Variants in ADAMTS18 observed in about 807,000 individuals in gnomAD.
The protein encoded by ADAMTS18 is ADAM metallopeptidase with thrombospondin type 1 motif 18.
Under a neutral mutation model 165.9 loss-of-function variants are expected in ADAMTS18, and 157 were observed. That is an observed-to-expected ratio of 0.95 (90% CI 0.83 to 1.08). The LOEUF (loss-of-function observed/expected upper bound fraction) is 1.08. Among genes scored for constraint, ADAMTS18 ranks in the 50% least tolerant of loss-of-function variants. The pLI, the probability that ADAMTS18 is intolerant of heterozygous loss-of-function variation, is 0.00. For synonymous variants in ADAMTS18, 782 were observed against 578.2 expected (o/e 1.35, Z -5.06); for missense variants, 2,040 against 1,534.0 (o/e 1.33, Z -5.51).
intron 3 of ADAMTS18, among the ~76,000 whole-genome samples, chr16:77,415,018 A>C (rs1319322644): frequency 6.6e-6 from 1 of 152,228 alleles, no homozygotes; most frequent in Non-Finnish European, 1.5e-5. Flanking sequence ...GTGAGTAATA[A>C]CAAGACAACT....
At chr16:77,413,233 T>C (rs2057487988) in intron 3 of ADAMTS18, among the ~76,000 whole-genome samples, 1 of 152,072 alleles carries the variant, frequency 6.6e-6, no homozygotes, top group African/African-American at 2.4e-5. Context: ...TTTCAAGTAT[T>C]CCTGAGAAAA....
chr16:77,430,921 C>T (rs1228921268), intron 3 of ADAMTS18, among the ~76,000 whole-genome samples: 2 of 152,138 alleles, frequency 1.3e-5, no homozygotes, highest in African/African-American at 4.8e-5. Context: ...CATTGAAATA[C>T]AGTTTTCCCA....
chr16:77,375,371 G>C (rs1213901468), intron 3 of ADAMTS18, among the ~76,000 whole-genome samples: 1 of 152,044 alleles, frequency 6.6e-6, no homozygotes, highest in African/African-American at 2.4e-5. Context: ...GAAAGAGAGA[G>C]AGTCCATCTC....
At chr16:77,411,190 T>C (rs1223453309) in intron 3 of ADAMTS18, among the ~76,000 whole-genome samples, 4 of 152,318 alleles carry the variant, frequency 2.6e-5, no homozygotes, top group Middle Eastern at 6.8e-3. Context: ...AGGGCATTCA[T>C]ACTCGCTGCC....
At chr16:77,423,149 C>T (rs1038079318) in intron 3 of ADAMTS18, among the ~76,000 whole-genome samples, 2 of 152,194 alleles carry the variant, frequency 1.3e-5, no homozygotes, top group Admixed American at 6.5e-5. Flanking sequence ...TATCCTACAC[C>T]TCAGACGTTA....
chr16:77,424,220 G>C (rs549117347), intron 3 of ADAMTS18, among the ~76,000 whole-genome samples: 2 of 152,304 alleles, frequency 1.3e-5, no homozygotes, highest in East Asian at 1.9e-4. Context: ...TGTAATCCCA[G>C]CACTTTGGGA....
intron 3 of ADAMTS18, among the ~76,000 whole-genome samples, chr16:77,384,834 A>T (rs908068272): frequency 1.5e-4 from 5 of 32,862 alleles, no homozygotes; most frequent in Admixed American, 4.9e-4. Context: ...GATTTTTTTA[A>T]AAAATCTCAA....
At chr16:77,334,722 CTACTA>C (rs2056266555) in intron 12 of ADAMTS18, among the ~76,000 whole-genome samples, 2 of 43,302 alleles carry the variant, frequency 4.6e-5, no homozygotes, top group East Asian at 7.7e-4. Flanking sequence ...CTATAGTATA[CTACTA>C]TATACTATAG....
chr16:77,395,226 T>C (rs1031791730), intron 3 of ADAMTS18, among the ~76,000 whole-genome samples: 2 of 152,138 alleles, frequency 1.3e-5, no homozygotes, highest in Non-Finnish European at 2.9e-5. Context: ...TGACCTGAGA[T>C]GGGGTTGGAA....
In ADAMTS18 at chr16:77,434,707, G is replaced by A. The variant is rs756604861; in HGVS notation, c.-12C>T. 1.4e-6 allele frequency: 2 copies of A among 1,438,458 alleles called. No individual in the cohort carries two copies. Among genetic ancestry groups the A allele is most frequent in the African/African-American group, 3.0e-5 (2 of 67,534 alleles). The allele number at this position is 1,438,458 out of a possible 1,614,324, so 89.1% of individuals were successfully genotyped here. ...AGGGCGCACTCCATGGTCAGGTGCG[G>A]ACGCGGCGGCTGCGGGTGGCCAGAC... On this transcript the variant is annotated 5_prime_UTR_variant, in exon 1 of 23. Coordinates refer to ENST00000282849, the MANE Select transcript of ADAMTS18 (RefSeq NM_199355.4).
chr16:77,297,998 C>A (rs2055507820), intron 17 of ADAMTS18, among the ~76,000 whole-genome samples: 1 of 131,852 alleles, frequency 7.6e-6, no homozygotes, highest in Non-Finnish European at 1.5e-5. Flanking sequence ...GATCTTGGCT[C>A]ACTGCAACCT....
intron 3 of ADAMTS18, among the ~76,000 whole-genome samples, chr16:77,429,897 G>C (rs941773310): frequency 6.6e-6 from 1 of 152,126 alleles, no homozygotes; most frequent in Non-Finnish European, 1.5e-5. Context: ...TCCCATCTTA[G>C]AAATAAAGAA....
intron 3 of ADAMTS18, among the ~76,000 whole-genome samples, chr16:77,385,188 A>C (rs192376246): frequency 6.6e-6 from 1 of 152,208 alleles, no homozygotes; most frequent in East Asian, 1.9e-4. Flanking sequence ...GGATTACAGG[A>C]GTGAGCCACC....
chr16:77,319,237 T>C (rs529815141), intron 16 of ADAMTS18, among the ~76,000 whole-genome samples: 29 of 152,126 alleles, frequency 1.9e-4, no homozygotes, highest in Admixed American at 4.6e-4. Context: ...ATGGCAGACA[T>C]AGACAAACCA....
chr16:77,424,065 C>T (rs2057639545), intron 3 of ADAMTS18, among the ~76,000 whole-genome samples: 1 of 152,208 alleles, frequency 6.6e-6, no homozygotes. Context: ...AAAAGAGGTA[C>T]TGTTCCCACT....
intron 3 of ADAMTS18, among the ~76,000 whole-genome samples, chr16:77,414,039 C>A (rs985268098): frequency 2.0e-5 from 3 of 152,278 alleles, no homozygotes; most frequent in South Asian, 4.1e-4. Flanking sequence ...TGCATAGAAA[C>A]TATATGACCC....
chr16:77,293,338 T>G, intron 19 of ADAMTS18, 80 bp from the exon 20 acceptor site: 1 of 1,200,082 alleles, frequency 8.3e-7, no homozygotes, highest in Non-Finnish European at 1.2e-6. Flanking sequence ...ACACACTAAA[T>G]ATATTCCTGT....
At chr16:77,404,268 T>A (rs912215097) in intron 3 of ADAMTS18, among the ~76,000 whole-genome samples, 1 of 152,102 alleles carries the variant, frequency 6.6e-6, no homozygotes, top group African/African-American at 2.4e-5. Flanking sequence ...AGCCAATAGA[T>A]GCCTATGACC....
intron 22 of ADAMTS18, among the ~76,000 whole-genome samples, chr16:77,288,827 G>A (rs529317554): frequency 6.6e-6 from 1 of 152,124 alleles, no homozygotes; most frequent in East Asian, 1.9e-4. Flanking sequence ...AGATCACTAG[G>A]ATAGGCTGGG....
Sources: allele counts gnomAD v4.1 joint callset (sites outside exome capture counted in the v4.1 genomes callset), GRCh38; gene constraint gnomAD v4.1.1; transcripts MANE v1.5; gene names NCBI Gene and HGNC (gene_info 2026-07-23, HGNC 2026-07-21).